The following ENTPD1 variants were observed in gnomAD, a reference collection of about 807,000 sequenced individuals.
The protein encoded by ENTPD1 is ectonucleoside triphosphate diphosphohydrolase 1.
A neutral mutation model predicts 57.0 loss-of-function variants in ENTPD1; 33 were observed. The observed-to-expected ratio is 0.58, with a 90% CI of 0.44 to 0.77. The LOEUF is 0.77. Among genes scored for constraint, ENTPD1 ranks in the 30% least tolerant of loss-of-function variants. ENTPD1 has a pLI of 0.00. For missense variants in ENTPD1, 501 were observed against 603.4 expected (o/e 0.83, Z 1.78); for synonymous variants, 202 against 218.8 (o/e 0.92, Z 0.68).
At chr10:95,866,075 A>T in intron 9 of ENTPD1, 102 bp from the exon 10 acceptor site, 1 of 1,475,372 alleles carries the variant, frequency 6.8e-7, no homozygotes, top group Middle Eastern at 2.0e-4. Context: ...AGTGATTTAT[A>T]TTGTTTGAAC....
chr10:95,760,345 C>T (rs2098051682), intron 1 of ENTPD1, among the ~76,000 whole-genome samples: 1 of 152,168 alleles, frequency 6.6e-6, no homozygotes. Flanking sequence ...GCTTGAAGAT[C>T]TTTTCTCTCT....
At chr10:95,833,258 G>T (rs998812545) in intron 2 of ENTPD1, among the ~76,000 whole-genome samples, 2 of 152,110 alleles carry the variant, frequency 1.3e-5, no homozygotes, top group Non-Finnish European at 2.9e-5. Flanking sequence ...CTTAAAAATG[G>T]TTACAATGGT....
In ENTPD1 at chr10:95,783,468, G is replaced by A. The variant is rs192002676; in HGVS notation, c.16+27213G>A. On this transcript the variant is annotated intron_variant, in intron 1 of 9. Coordinates refer to ENST00000371205, the MANE Select transcript of ENTPD1 (RefSeq NM_001776.6). ...CTTGACTAAACTTCAGAGCAAACAC[G>A]CACTCTTTTCTTTGCTACTCTCTTT... Among the ~76,000 whole-genome samples the A allele has an allele frequency of 8.9e-4, 136 of 152,224 alleles. 1 individual carries two copies. Among genetic ancestry groups the A allele is most frequent in the African/African-American group, 2.9e-3 (120 of 41,534 alleles).
intron 1 of ENTPD1, among the ~76,000 whole-genome samples, chr10:95,799,269 A>T (rs1279345294): frequency 6.6e-6 from 1 of 151,954 alleles, no homozygotes; most frequent in Non-Finnish European, 1.5e-5. Context: ...CCCATTGGTT[A>T]TTTTTCCTTA....
intron 1 of ENTPD1, among the ~76,000 whole-genome samples, chr10:95,773,074 A>G (rs1188457322): frequency 2.6e-5 from 4 of 151,700 alleles, no homozygotes; most frequent in Non-Finnish European, 1.5e-5. Context: ...GAGGAAGCAA[A>G]GTATAGAGAG....
chr10:95,736,342 C>T lies in ENTPD1; in HGVS notation c.37+24349C>T, dbSNP rs557213928. ...TTTTGAGCAATGTGTGTGACCAATT[C>T]GTGTGCTGAGGAGGAGTTTTGCTTG... On this transcript the variant is annotated intron_variant, in intron 1 of 9. Transcript: ENST00000453258. Among the ~76,000 whole-genome samples, 12 of 152,200 alleles carry T rather than the reference C, an allele frequency of 7.9e-5. 1 individual carries two copies. In the South Asian group the frequency reaches 1.0e-3, roughly 13 times the overall value.
intron 1 of ENTPD1, among the ~76,000 whole-genome samples, chr10:95,800,681 G>A (rs915500170): frequency 2.0e-5 from 3 of 152,050 alleles, no homozygotes; most frequent in African/African-American, 4.8e-5. Context: ...AGAATTCAGC[G>A]ATATTTCTCC....
intron 8 of ENTPD1, among the ~76,000 whole-genome samples, chr10:95,864,312 C>T (rs573366310): frequency 6.6e-6 from 1 of 152,284 alleles, no homozygotes; most frequent in African/African-American, 2.4e-5. Flanking sequence ...CTGATGCTGC[C>T]AGTCCAGGGA....
At chr10:95,760,215 A>G (rs1207093611) in intron 1 of ENTPD1, among the ~76,000 whole-genome samples, 1 of 152,234 alleles carries the variant, frequency 6.6e-6, no homozygotes, top group Non-Finnish European at 1.5e-5. Flanking sequence ...TGCCATGAGA[A>G]GCAGAATAGG....
Position 95,873,284 on chromosome 10 carries a change from A to G in ENTPD1, c.*6901A>G. ...ATTCACAGGCATTCTGTTCCACAGC[A>G]GGCCAGCTAACGTGGTATTTACAAA... On this transcript the variant is annotated 3_prime_UTR_variant, in exon 10 of 10. Transcript: ENST00000371205. 1.0e-6 allele frequency: 1 copy of G among 985,442 alleles called. No individual in the cohort carries two copies. The highest frequency in any genetic ancestry group is 1.2e-6 in the Non-Finnish European group (1 of 829,932). 61.0% of individuals were successfully genotyped at this position (985,442 alleles called of 1,614,324 possible).
At chr10:95,836,660 G>T (rs2098410459) in intron 2 of ENTPD1, among the ~76,000 whole-genome samples, 1 of 152,174 alleles carries the variant, frequency 6.6e-6, no homozygotes, top group Admixed American at 6.5e-5. Flanking sequence ...AGACTTTGAG[G>T]CATTCACTAG....
At chr10:95,759,029 A>G (rs1296191893) in intron 1 of ENTPD1, among the ~76,000 whole-genome samples, 2 of 152,228 alleles carry the variant, frequency 1.3e-5, no homozygotes, top group Non-Finnish European at 2.9e-5. Context: ...AGAAGGTGGT[A>G]CACACCAGGC....
At chr10:95,773,288 C>T (rs1274183558) in intron 1 of ENTPD1, among the ~76,000 whole-genome samples, 4 of 152,188 alleles carry the variant, frequency 2.6e-5, no homozygotes, top group Non-Finnish European at 5.9e-5. Flanking sequence ...CGTAGCACTC[C>T]TTGATCCATA....
intron 1 of ENTPD1, among the ~76,000 whole-genome samples, chr10:95,773,881 T>C (rs1431462366): frequency 6.6e-6 from 1 of 152,210 alleles, no homozygotes; most frequent in African/African-American, 2.4e-5. Context: ...ATGGTATTTC[T>C]AGTTCTAGGT....
intron 1 of ENTPD1, among the ~76,000 whole-genome samples, chr10:95,759,085 G>T (rs914384656): frequency 7.9e-5 from 12 of 152,122 alleles, no homozygotes; most frequent in Non-Finnish European, 1.8e-4. Context: ...AGCACCTTGA[G>T]TTCCCTAATG....
intron 1 of ENTPD1, among the ~76,000 whole-genome samples, chr10:95,777,013 C>G (rs757946210): frequency 3.3e-5 from 5 of 152,142 alleles, no homozygotes; most frequent in Admixed American, 6.6e-5. Flanking sequence ...ACTGTTTATT[C>G]TAGTTAGCCA....
At chr10:95,802,902 G>T (rs546947356) in intron 1 of ENTPD1, among the ~76,000 whole-genome samples, 2 of 152,112 alleles carry the variant, frequency 1.3e-5, no homozygotes, top group Middle Eastern at 3.4e-3. Flanking sequence ...GAATAGTGCC[G>T]CAATAAACAT....
chr10:95,740,363 G>C (rs2097999055), intron 1 of ENTPD1, among the ~76,000 whole-genome samples: 2 of 152,190 alleles, frequency 1.3e-5, no homozygotes, highest in Admixed American at 1.3e-4. Context: ...AACCTCAGGT[G>C]ATCTGCTTGC....
At chr10:95,862,994 G>A (rs2098467819) in intron 8 of ENTPD1, among the ~76,000 whole-genome samples, 1 of 152,304 alleles carries the variant, frequency 6.6e-6, no homozygotes, top group Admixed American at 6.5e-5. Flanking sequence ...GAGAGGGGAA[G>A]GTGGGAGAGA....
Sources: gnomAD v4.1 joint callset for allele counts (sites outside exome capture counted in the v4.1 genomes callset) on GRCh38, gnomAD v4.1.1 for gene constraint, MANE v1.5 for transcripts, NCBI Gene and HGNC (gene_info 2026-07-23, HGNC 2026-07-21) for gene names.